Variants in MBP observed in about 807,000 individuals in gnomAD.
MBP encodes the protein Golli-MBP.
In MBP, 16 loss-of-function variants were observed where a neutral mutation model predicts 35.8. The observed-to-expected ratio is 0.45, with a 90% CI of 0.30 to 0.68. MBP has a LOEUF of 0.68. MBP is among the 30% of genes least tolerant of loss of function. The pLI, the probability that MBP is intolerant of heterozygous loss-of-function variation, is 0.08. For missense variants in MBP, 380 were observed against 404.7 expected, an observed-to-expected ratio of 0.94 and a Z score of 0.52; for synonymous variants, 143 against 159.6, an observed-to-expected ratio of 0.90 and a Z score of 0.78.
At chr18:77,089,413 A>G (rs1872951193) in intron 2 of MBP, among the ~76,000 whole-genome samples, 1 of 152,240 alleles carries the variant, frequency 6.6e-6, no homozygotes, top group South Asian at 2.1e-4. Context: ...AGAGAGCTAC[A>G]CAAAGAAGAG....
intron 2 of MBP, among the ~76,000 whole-genome samples, chr18:77,069,327 G>A (rs571927817): frequency 1.3e-5 from 2 of 152,292 alleles, no homozygotes; most frequent in South Asian, 4.1e-4. Context: ...TTTCCCGATA[G>A]TCTTTCCTCA....
chr18:77,010,232 G>A, intron 4 of MBP: 2 of 405,370 alleles, frequency 4.9e-6, no homozygotes, highest in South Asian at 3.0e-5. Flanking sequence ...CTATTCTGAG[G>A]CCCTGTATCA....
chr18:77,080,724 C>A (rs12454790), intron 2 of MBP, among the ~76,000 whole-genome samples: 23,436 of 152,186 alleles, frequency 0.15, 2,175 homozygotes, highest in Middle Eastern at 0.2. Flanking sequence ...CACTCTCTCA[C>A]CCAGGCTGGA....
Position 76,988,541 on chromosome 18 carries a change from A to G in MBP, c.718-14T>C. The G allele has an allele frequency of 6.2e-7, 1 of 1,608,674 alleles. No individual in the cohort carries two copies. Among genetic ancestry groups the G allele is most frequent in the South Asian group, 1.1e-5 (1 of 90,746 alleles). ...CAGTCCTCTCCCCTGCATGAGGAAG[A>G]CAGAGAAATAATGACATGGTGGTCA... On this transcript the variant is annotated splice_polypyrimidine_tract_variant and intron_variant, in intron 6 of 8. Transcript: ENST00000355994. This position sits in a 1 kb window ranked among gnomAD's most constrained non-coding sequence, Gnocchi z 5.2.
intron 4 of MBP, among the ~76,000 whole-genome samples, chr18:77,000,178 A>C (rs958806069): frequency 6.6e-6 from 1 of 152,260 alleles, no homozygotes; most frequent in African/African-American, 2.4e-5. Flanking sequence ...GAAAAATAAT[A>C]CATGCTCATA....
rs202054986 is a variant in MBP, at chr18:77,105,219, C to T, written c.43G>A (p.Ala15Thr). The change falls in exon 2 of 9, where the codon GCC becomes ACC. Residue 15 changes from alanine to threonine, a missense_variant. Ala to Thr is a moderately conservative substitution (Grantham distance 58). Transcript: ENST00000355994. ...AGKRELNAEK[A>T]STNSETNRGE... is the part of the protein sequence containing the mutation. ...ATCAGCTCACGTCTTACCGTACTGG[C>T]CTTCTCGGCATTTAATTCTCGTTTG... 2 of 1,612,794 alleles carry T rather than the reference C, an allele frequency of 1.2e-6. No homozygotes were observed. Among genetic ancestry groups the T allele is most frequent in the Non-Finnish European group, 1.7e-6 (2 of 1,179,158 alleles).
chr18:77,033,497 C>T (rs1470615038), intron 3 of MBP, among the ~76,000 whole-genome samples: 1 of 152,078 alleles, frequency 6.6e-6, no homozygotes, highest in Non-Finnish European at 1.5e-5. Flanking sequence ...TCTAAAACTA[C>T]TCTGGAAACA....
chr18:77,024,135 G>T (rs1972104951), intron 3 of MBP, among the ~76,000 whole-genome samples: 1 of 152,192 alleles, frequency 6.6e-6, no homozygotes, highest in African/African-American at 2.4e-5. Flanking sequence ...TACACCCATG[G>T]TCTAAAGCAA....
intron 2 of MBP, among the ~76,000 whole-genome samples, chr18:77,066,972 T>C (rs1000088658): frequency 6.6e-6 from 1 of 152,242 alleles, no homozygotes. Flanking sequence ...CCTCTGGGCC[T>C]CCCTTTGCCT....
Position 76,980,277 on chromosome 18 carries a change from G to T in MBP, c.*150C>A. On this transcript the variant is annotated 3_prime_UTR_variant, in exon 9 of 9. Transcript: ENST00000355994. ...GTTGGCCGGAAATTGCCGGTAGGCTGCCGTGGCCTGACCCTACTACGTGCA... is the reference window on the plus strand; with the variant it reads ...GTTGGCCGGAAATTGCCGGTAGGCTTCCGTGGCCTGACCCTACTACGTGCA... The T allele has an allele frequency of 1.3e-6, 1 of 774,454 alleles. No homozygotes were observed. 48.0% of individuals were successfully genotyped at this position (774,454 alleles called of 1,614,324 possible). A position where few individuals can be genotyped will look rare whatever the true frequency, so the allele number is the denominator to read the frequency against.
chr18:76,997,718 T>C (rs1031083484), intron 4 of MBP, among the ~76,000 whole-genome samples: 1 of 150,722 alleles, frequency 6.6e-6, no homozygotes, highest in Non-Finnish European at 1.5e-5. Flanking sequence ...AGTCTCACTT[T>C]GTCCCCCAGG....
At chr18:77,046,971 A>G (rs148478204) in intron 3 of MBP, among the ~76,000 whole-genome samples, 27 of 152,360 alleles carry the variant, frequency 1.8e-4, no homozygotes, top group African/African-American at 5.3e-4. Flanking sequence ...TGCAAGCTCC[A>G]CATCTTCATG....
chr18:77,092,896 C>A (rs1289458868), intron 2 of MBP, among the ~76,000 whole-genome samples: 1 of 152,170 alleles, frequency 6.6e-6, no homozygotes, highest in Non-Finnish European at 1.5e-5. Flanking sequence ...GGGAACACAC[C>A]GGCCCCGCGT....
intron 2 of MBP, among the ~76,000 whole-genome samples, chr18:77,087,190 G>A (rs1204409186): frequency 6.6e-6 from 1 of 152,196 alleles, no homozygotes; most frequent in Non-Finnish European, 1.5e-5. Flanking sequence ...TCCAGGAGGC[G>A]AAATAGCCCC....
At chr18:77,098,083 C>T (rs1416625813) in intron 2 of MBP, among the ~76,000 whole-genome samples, 1 of 151,452 alleles carries the variant, frequency 6.6e-6, no homozygotes, top group African/African-American at 2.4e-5. Flanking sequence ...TCTTCATACC[C>T]ATCACTGCTC....
rs1977277659 is a variant in MBP at position 77,131,691 on chromosome 18, G to A, written c.-26+889C>T. The A allele has an allele frequency of 6.6e-6, 1 of 151,438 alleles. No homozygotes were observed. Among genetic ancestry groups the A allele is most frequent in the African/African-American group, 2.4e-5 (1 of 41,138 alleles). 9.4% of individuals were successfully genotyped at this position (151,438 alleles called of 1,614,324 possible). Reference sequence around the variant, plus strand: ...TCAGGTGGACGCGAAAGGACACAAGGCGCTGCCCCCAGCACCCCGGAAAAT... The same window carrying A: ...TCAGGTGGACGCGAAAGGACACAAGACGCTGCCCCCAGCACCCCGGAAAAT... On this transcript the variant is annotated intron_variant, in intron 1 of 8. Transcript: ENST00000355994. This position sits in a 1 kb window ranked among gnomAD's most constrained non-coding sequence, Gnocchi z 5.5.
At chr18:77,086,062 A>T (rs1017661799) in intron 2 of MBP, among the ~76,000 whole-genome samples, 1 of 152,220 alleles carries the variant, frequency 6.6e-6, no homozygotes, top group African/African-American at 2.4e-5. Context: ...CTGCATCTGC[A>T]TTCTAGTTCC....
chr18:77,125,240 CCTCT>C (rs1193630825), intron 1 of MBP, among the ~76,000 whole-genome samples: 2 of 152,168 alleles, frequency 1.3e-5, no homozygotes, highest in Non-Finnish European at 2.9e-5. Flanking sequence ...TTCTAATCTT[CCTCT>C]CTAACACTTC....
intron 4 of MBP, among the ~76,000 whole-genome samples, chr18:76,990,522 T>C (rs1308674491): frequency 6.6e-6 from 1 of 152,142 alleles, no homozygotes; most frequent in Non-Finnish European, 1.5e-5. Flanking sequence ...GGTGATCATA[T>C]ATCAAGATTG....
Sources: allele counts gnomAD v4.1 joint callset (sites outside exome capture counted in the v4.1 genomes callset), GRCh38; gene constraint gnomAD v4.1.1; non-coding constraint Gnocchi (gnomAD v3.1); transcripts MANE v1.5; gene names NCBI Gene and HGNC (gene_info 2026-07-23, HGNC 2026-07-21).